The following DNAH5 variants were observed in gnomAD, a reference collection of about 807,000 sequenced individuals.
DNAH5 encodes the protein dynein axonemal heavy chain 5, also known as axonemal beta dynein heavy chain 5.
A neutral mutation model predicts 518.2 loss-of-function variants in DNAH5; 372 were observed. The ratio of observed to expected loss-of-function variants is 0.72; its 90% CI spans 0.66 to 0.78. The LOEUF (loss-of-function observed/expected upper bound fraction) is 0.78, where lower values mean the gene tolerates loss of function less well. Among genes scored for constraint, DNAH5 ranks in the 30% least tolerant of loss-of-function variants. The probability of loss-of-function intolerance (pLI) is 0.00; values close to 1 mark genes in which losing one functional copy is unlikely to be tolerated. For missense variants in DNAH5, 5,523 were observed against 5,687.0 expected, an observed-to-expected ratio of 0.97 and a Z score of 0.93; for synonymous variants, 2,039 against 2,025.9, an observed-to-expected ratio of 1.01 and a Z score of -0.17.
At chr5:13,842,455 G>GA (rs1157753885) in intron 32 of DNAH5, among the ~76,000 whole-genome samples, 4 of 104,870 alleles carry the variant, frequency 3.8e-5, no homozygotes, top group Admixed American at 1.9e-4. Flanking sequence ...AAGAAAGAAA[G>GA]AAAGAAAGAA....
At chr5:13,838,583 C>G (rs538526725) in intron 35 of DNAH5, among the ~76,000 whole-genome samples, 15 of 152,284 alleles carry the variant, frequency 9.9e-5, no homozygotes, top group Non-Finnish European at 1.3e-4. Context: ...CCATCACCCC[C>G]AGATGGGACT....
chr5:13,949,941 T>C (rs1432591745), intron 1 of DNAH5, among the ~76,000 whole-genome samples: 1 of 152,146 alleles, frequency 6.6e-6, no homozygotes, highest in African/African-American at 2.4e-5. Context: ...ACTGGCCCCA[T>C]TTTCCCCTAA....
chr5:14,002,370 T>C (rs1454845061), intron 1 of DNAH5, among the ~76,000 whole-genome samples: 2 of 152,220 alleles, frequency 1.3e-5, no homozygotes, highest in Non-Finnish European at 2.9e-5. Flanking sequence ...TTTATGTTTT[T>C]TTCTAAGGTT....
chr5:13,948,433 T>C (rs1780102462), upstream of DNAH5, among the ~76,000 whole-genome samples: 1 of 152,196 alleles, frequency 6.6e-6, no homozygotes, highest in Admixed American at 6.5e-5. Context: ...TTTCATCTGA[T>C]AATGGATTAG....
rs147722217 is a variant in DNAH5 at position 13,732,355 on chromosome 5, C to T, written c.11761+2776G>A. 5.9e-5 allele frequency among the ~76,000 whole-genome samples: 9 copies of T among 152,162 alleles called. No individual in the cohort carries two copies. In the East Asian group the frequency reaches 1.2e-3, roughly 20 times the overall value. On this transcript the variant is annotated intron_variant, in intron 68 of 78. Coordinates refer to ENST00000265104, the MANE Select transcript of DNAH5 (RefSeq NM_001369.3). ...CTGCAATTCTCACATAGTGCAGGAG[C>T]TGGGGTCTCTCTTGAGCCCCTTTTT...
At chr5:13,985,430 A>ATATAT (rs1782977078) in intron 1 of DNAH5, among the ~76,000 whole-genome samples, 1 of 127,346 alleles carries the variant, frequency 7.9e-6, no homozygotes, top group Admixed American at 8.3e-5. Context: ...AGTATAATAA[A>ATATAT]ATATATATAT....
chr5:13,885,961 T>A lies in DNAH5; in HGVS notation c.2743+3A>T, dbSNP rs752170130. ...AAGACCCTTTCATTACCCCATCTCT[T>A]ACCTGAACTTTCATTTTTGTAATTA... On this transcript the variant is annotated splice_donor_region_variant and intron_variant, in intron 18 of 78. Coordinates refer to ENST00000265104, the MANE Select transcript of DNAH5 (RefSeq NM_001369.3). 7 of 1,612,242 alleles carry A rather than the reference T, an allele frequency of 4.3e-6. No homozygotes were observed. The highest frequency in any genetic ancestry group is 5.9e-6 in the Non-Finnish European group (7 of 1,179,510).
chr5:13,839,483 G>A lies in DNAH5; in HGVS notation c.5755C>T (p.Gln1919Ter), dbSNP rs772700231. The A allele has an allele frequency of 2.5e-6, 4 of 1,614,012 alleles. No homozygotes were observed. In the South Asian group the frequency reaches 3.3e-5, roughly 13 times the overall value. Residue 1919 changes from glutamine (Q) to a stop codon, truncating the protein, a stop_gained, in exon 35 of 79, where the codon CAG becomes TAG. Transcript: ENST00000265104. LOFTEE classifies it high-confidence loss of function. Reference protein sequence around the residue: ...KSPMDFEWLKQCRFYFNEDSD... With the variant: ...KSPMDFEWLK ...TCTTCGTTAAAGTAAAATCTGCACT[G>A]TTTCAGCCACTCAAAGTCCATGGGA...
In DNAH5 at chr5:13,913,934, T is replaced by C; in HGVS notation, c.1345A>G (p.Thr449Ala). ...KQEYQLCFHK[T>A]KQKLKQNPNA... ...GGATTTTGTTTAAGCTTTTGTTTTG[T>C]CTTGTGAAAGCAGAGCTGGTATTCC... Residue 449 changes from threonine (T) to alanine (A), a missense_variant, in exon 11 of 79, where the codon ACA (threonine) becomes GCA (alanine). By Grantham distance (58) the Thr-to-Ala change is moderately conservative. This residue lies in a region of DNAH5 where 5,121 missense variants were observed against 5,223.3 expected (regional missense o/e 0.98). Transcript: ENST00000265104. 3 of 1,613,322 alleles carry C rather than the reference T, an allele frequency of 1.9e-6. No homozygotes were observed. The highest frequency in any genetic ancestry group is 2.5e-6 in the Non-Finnish European group (3 of 1,179,404).
At chr5:13,760,463 A>G (rs1751626287) in intron 60 of DNAH5, among the ~76,000 whole-genome samples, 1 of 152,226 alleles carries the variant, frequency 6.6e-6, no homozygotes, top group South Asian at 2.1e-4. Flanking sequence ...AGTTCAATAA[A>G]TAGTAGATGT....
Position 13,885,179 on chromosome 5 carries a change from G to C in DNAH5, c.2793C>G (p.Ala931=). 6.2e-7 allele frequency: 1 copy of C among 1,614,112 alleles called. No individual in the cohort carries two copies. Among genetic ancestry groups the C allele is most frequent in the Non-Finnish European group, 8.5e-7 (1 of 1,180,002 alleles). The change falls in exon 19 of 79, where the codon GCC becomes GCG. Residue 931 remains alanine, a synonymous_variant. Coordinates refer to ENST00000265104, the MANE Select transcript of DNAH5 (RefSeq NM_001369.3). ...NFDTLTSSIN[A]RANALLLTTV... is the part of the protein sequence containing the mutation. Reference sequence around the variant, plus strand: ...TCGTCAAAAGCAGGGCATTGGCCCTGGCATTAATAGATGATGTCAAGGTGT... The same window carrying C: ...TCGTCAAAAGCAGGGCATTGGCCCTCGCATTAATAGATGATGTCAAGGTGT...
intron 52 of DNAH5, among the ~76,000 whole-genome samples, chr5:13,785,665 C>T (rs1223080757): frequency 2.0e-5 from 3 of 152,208 alleles, no homozygotes; most frequent in African/African-American, 7.2e-5. Context: ...TTAACACTAA[C>T]TCCCCAATCG....
At chr5:13,783,463 A>G (rs1399746581) in intron 52 of DNAH5, among the ~76,000 whole-genome samples, 1 of 152,130 alleles carries the variant, frequency 6.6e-6, no homozygotes, top group African/African-American at 2.4e-5. Flanking sequence ...TAAACTTTCC[A>G]CAAGGTAGTA....
chr5:13,863,761 T>C (rs1434151943), intron 28 of DNAH5, among the ~76,000 whole-genome samples: 1 of 152,110 alleles, frequency 6.6e-6, no homozygotes, highest in East Asian at 1.9e-4. Context: ...TTACAAACGG[T>C]CAACCTAACC....
chr5:13,783,235 G>C (rs530863627), intron 52 of DNAH5, among the ~76,000 whole-genome samples: 4 of 152,160 alleles, frequency 2.6e-5, no homozygotes, highest in South Asian at 4.1e-4. Context: ...AGTGCCCCCT[G>C]GGGTGAGAAC....
At position 13,951,239 on chromosome 5, in the gene DNAH5, C is replaced by G. The variant is rs1394409375; in HGVS notation, c.13-19995G>C. ...TTTTTTTTTTTTTTTTTTTTTGAAG[C>G]AGGGTCTTGCTCTGTCGCCCAGGCT... On this transcript the variant is annotated intron_variant, in intron 1 of 78. Coordinates refer to the DNAH5 transcript ENST00000681290. 1.5e-3 allele frequency among the ~76,000 whole-genome samples: 123 copies of G among 84,578 alleles called. 1 individual carries two copies. Among genetic ancestry groups the G allele is most frequent in the African/African-American group, 5.5e-3 (114 of 20,552 alleles). The allele number at this position is 84,578 out of a possible 152,430, so 55.5% of individuals were successfully genotyped here.
At position 13,944,441 on chromosome 5, in the gene DNAH5, T is replaced by A; in HGVS notation, c.-3A>T. ...TGTCTCCTCCCAATCCTAAACATTGTAGCCGTGCATGGACAGGCTGGAGTC... is the reference window on the plus strand; with the variant it reads ...TGTCTCCTCCCAATCCTAAACATTGAAGCCGTGCATGGACAGGCTGGAGTC... On this transcript the variant is annotated 5_prime_UTR_variant, in exon 1 of 79. Transcript: ENST00000265104. 1 of 1,612,998 alleles carries A rather than the reference T, an allele frequency of 6.2e-7. No individual in the cohort carries two copies. The highest frequency in any genetic ancestry group is 8.5e-7 in the Non-Finnish European group (1 of 1,179,878).
chr5:13,703,958 T>G (rs1313627380), intron 76 of DNAH5, among the ~76,000 whole-genome samples: 2 of 152,174 alleles, frequency 1.3e-5, no homozygotes, highest in Admixed American at 1.3e-4. Flanking sequence ...TGGGGTGCCT[T>G]GTCCATCTCC....
At chr5:13,983,510 A>G (rs1195029610) in intron 1 of DNAH5, among the ~76,000 whole-genome samples, 1 of 152,226 alleles carries the variant, frequency 6.6e-6, no homozygotes, top group Non-Finnish European at 1.5e-5. Context: ...TTCCATCAGC[A>G]TCAGTGTGAC....
Sources: allele counts gnomAD v4.1 joint callset (sites outside exome capture counted in the v4.1 genomes callset), GRCh38; gene constraint gnomAD v4.1.1; regional missense constraint gnomAD v4.1.1; transcripts MANE v1.5; gene names NCBI Gene and HGNC (gene_info 2026-07-23, HGNC 2026-07-21).